Variants in CNBD1 observed in about 807,000 individuals in gnomAD.
The protein encoded by CNBD1 is cyclic nucleotide binding domain containing 1, also known as cyclic nucleotide-binding domain-containing protein 1.
CNBD1 carries 71 observed loss-of-function variants against 54.4 expected under a neutral mutation model. The observed-to-expected ratio is 1.30, with a 90% CI of 1.08 to 1.59. The LOEUF is 1.59. CNBD1 is among the 40% of genes most tolerant of loss of function. The pLI is 0.00. For missense variants in CNBD1, 659 were observed against 518.0 expected (o/e 1.27, Z -2.64); for synonymous variants, 182 against 170.7 (o/e 1.07, Z -0.51).
intron 4 of CNBD1, among the ~76,000 whole-genome samples, chr8:87,064,102 A>G (rs1810598026): frequency 6.6e-6 from 1 of 151,906 alleles, no homozygotes; most frequent in Non-Finnish European, 1.5e-5. Flanking sequence ...TAGCATTGTT[A>G]CTACACTGGC....
At chr8:87,304,591 C>G (rs1186437551) in intron 8 of CNBD1, among the ~76,000 whole-genome samples, 1 of 152,006 alleles carries the variant, frequency 6.6e-6, no homozygotes, top group African/African-American at 2.4e-5. Context: ...ACATATGTAA[C>G]AAACCTGCAC....
At chr8:87,222,732 C>T (rs577486229) in intron 5 of CNBD1, among the ~76,000 whole-genome samples, 1 of 152,036 alleles carries the variant, frequency 6.6e-6, no homozygotes, top group African/African-American at 2.4e-5. Flanking sequence ...TGTAATTGGC[C>T]GTTAACCTTT....
intron 4 of CNBD1, among the ~76,000 whole-genome samples, chr8:87,203,018 A>G (rs968653722): frequency 3.9e-5 from 6 of 152,184 alleles, no homozygotes; most frequent in Admixed American, 3.9e-4. Flanking sequence ...ACTCTCAAAC[A>G]TACAATTCAA....
At chr8:87,227,955 T>C (rs1814545247) in intron 5 of CNBD1, among the ~76,000 whole-genome samples, 1 of 150,286 alleles carries the variant, frequency 6.7e-6, no homozygotes, top group Non-Finnish European at 1.5e-5. Context: ...TATTCTTTTT[T>C]CTCTAAACTT....
intron 4 of CNBD1, among the ~76,000 whole-genome samples, chr8:87,200,282 A>T (rs1047038917): frequency 1.1e-4 from 16 of 152,286 alleles, no homozygotes; most frequent in African/African-American, 3.6e-4. Context: ...AGAAACACAA[A>T]AAGCTCCATA....
chr8:87,213,964 C>G (rs779872501), intron 5 of CNBD1, among the ~76,000 whole-genome samples: 1 of 152,152 alleles, frequency 6.6e-6, no homozygotes, highest in Non-Finnish European at 1.5e-5. Context: ...GGGCTAAAGG[C>G]CCCATGCAAG....
rs1447433189 is a variant in CNBD1 at position 87,166,997 on chromosome 8, A to G, written c.432-38996A>G. ...AATGAATGTAGATAGCAATGTGACC[A>G]TATAAAATATTTTACATTTTTGATT... On this transcript the variant is annotated intron_variant, in intron 4 of 10. Coordinates refer to ENST00000518476, the MANE Select transcript of CNBD1 (RefSeq NM_173538.3). The surrounding 1 kb of genome is among the most constrained non-coding windows in gnomAD (Gnocchi z 4.3). Among the ~76,000 whole-genome samples, 3 of 152,044 alleles carry G rather than the reference A, an allele frequency of 2.0e-5. No homozygotes were observed.
intron 9 of CNBD1, among the ~76,000 whole-genome samples, chr8:87,353,180 C>T (rs1810342421): frequency 6.6e-6 from 1 of 152,266 alleles, no homozygotes; most frequent in African/African-American, 2.4e-5. Flanking sequence ...AGGGAATAAT[C>T]CCTCCTTTTT....
intron 10 of CNBD1, among the ~76,000 whole-genome samples, chr8:87,380,956 G>A (rs925571311): frequency 1.3e-5 from 2 of 151,926 alleles, no homozygotes; most frequent in Non-Finnish European, 2.9e-5. Flanking sequence ...AGAATACGTA[G>A]TTAAAAATAT....
At chr8:87,390,222 G>T (rs1811278968) in intron 2 of CNBD1, among the ~76,000 whole-genome samples, 1 of 152,162 alleles carries the variant, frequency 6.6e-6, no homozygotes, top group South Asian at 2.1e-4. Flanking sequence ...CAAAAGTAAT[G>T]GCAACAAAAG....
intron 2 of CNBD1, among the ~76,000 whole-genome samples, chr8:87,403,526 G>C (rs1399734117): frequency 1.3e-5 from 2 of 151,950 alleles, no homozygotes; most frequent in African/African-American, 2.4e-5. Context: ...TTATGAAGCA[G>C]ATACATTTAG....
At chr8:87,210,551 G>T (rs980649697) in intron 5 of CNBD1, among the ~76,000 whole-genome samples, 2 of 152,182 alleles carry the variant, frequency 1.3e-5, no homozygotes, top group African/African-American at 4.8e-5. Context: ...GCCCTGCATA[G>T]CCTCAGGATG....
chr8:86,946,968 A>T (rs573264790), intron 4 of CNBD1, among the ~76,000 whole-genome samples: 1 of 152,240 alleles, frequency 6.6e-6, no homozygotes, highest in East Asian at 1.9e-4. Context: ...GTACTCGAGG[A>T]TTTACCTCAT....
intron 4 of CNBD1, among the ~76,000 whole-genome samples, chr8:87,174,320 C>T (rs1380846806): frequency 6.6e-6 from 1 of 152,042 alleles, no homozygotes; most frequent in Non-Finnish European, 1.5e-5. Context: ...TGTTCAAGCT[C>T]ACGAATTCTT....
chr8:87,327,843 T>C (rs1430918639), intron 8 of CNBD1, among the ~76,000 whole-genome samples: 7 of 152,214 alleles, frequency 4.6e-5, no homozygotes, highest in African/African-American at 1.4e-4. Flanking sequence ...TCTTAGGTTT[T>C]CTTCTAGGAG....
At chr8:87,270,087 G>A (rs181596674) in intron 6 of CNBD1, among the ~76,000 whole-genome samples, 47 of 151,966 alleles carry the variant, frequency 3.1e-4, no homozygotes, top group Non-Finnish European at 1.9e-4. Flanking sequence ...TATTCCTGGG[G>A]TACAAGACTA....
intron 8 of CNBD1, among the ~76,000 whole-genome samples, chr8:87,305,156 A>G (rs764852645): frequency 1.3e-5 from 2 of 152,076 alleles, no homozygotes; most frequent in East Asian, 1.9e-4. Context: ...ACCTTTTACA[A>G]TAGCTGCAAA....
At chr8:87,303,659 T>G (rs1809072846) in intron 8 of CNBD1, among the ~76,000 whole-genome samples, 1 of 150,638 alleles carries the variant, frequency 6.6e-6, no homozygotes, top group South Asian at 2.1e-4. Flanking sequence ...ACTAAAGAGC[T>G]TCTGCACAGC....
chr8:87,235,631 C>T (rs1411716855), intron 5 of CNBD1, among the ~76,000 whole-genome samples: 2 of 152,004 alleles, frequency 1.3e-5, no homozygotes, highest in Non-Finnish European at 2.9e-5. Context: ...ACAATTACAT[C>T]AATGGTAACA....
Sources: allele counts gnomAD v4.1 joint callset (sites outside exome capture counted in the v4.1 genomes callset), GRCh38; gene constraint gnomAD v4.1.1; non-coding constraint Gnocchi (gnomAD v3.1); transcripts MANE v1.5; gene names NCBI Gene and HGNC (gene_info 2026-07-23, HGNC 2026-07-21).